Variants in NLRP3 observed in about 807,000 individuals in gnomAD.
The protein encoded by NLRP3 is NACHT, LRR and PYD domains-containing protein 3.
In NLRP3, 48 loss-of-function variants were observed where a neutral mutation model predicts 91.3. That is an observed-to-expected ratio of 0.53 (90% CI 0.42 to 0.67). The LOEUF (loss-of-function observed/expected upper bound fraction) is 0.67, where lower values mean the gene tolerates loss of function less well. Ranked by LOEUF, NLRP3 falls within the 30% of genes least tolerant of loss-of-function variation. NLRP3 has a pLI of 0.00. For missense variants in NLRP3, 982 were observed against 1,276.9 expected, an observed-to-expected ratio of 0.77 and a Z score of 3.52; for synonymous variants, 561 against 507.9, an observed-to-expected ratio of 1.10 and a Z score of -1.41.
intron 1 of NLRP3, among the ~76,000 whole-genome samples, chr1:247,416,673 A>T (rs949970401): frequency 1.1e-4 from 12 of 106,210 alleles, no homozygotes; most frequent in African/African-American, 4.4e-4. Context: ...CAGTCACCTC[A>T]GGATGGGCAG....
At chr1:247,435,207 G>A (rs181501625) in intron 6 of NLRP3, among the ~76,000 whole-genome samples, 1 of 151,958 alleles carries the variant, frequency 6.6e-6, no homozygotes, top group Non-Finnish European at 1.5e-5. Flanking sequence ...TCAAGATCCC[G>A]TCACTGTACT....
At position 247,425,015 on chromosome 1, in the gene NLRP3, T is replaced by C; in HGVS notation, c.1566T>C (p.Thr522=). ...AGTTCTACAGCTTCATCCACATGAC[T>C]TTCCAGGAGTTCTTTGCCGCCATGT... The part of the protein sequence containing the change: ...CEKFYSFIHM[T]FQEFFAAMYY... Residue 522 remains threonine (T), a synonymous_variant, in exon 4 of 10, where the codon ACT becomes ACC. Coordinates refer to ENST00000336119, the MANE Select transcript of NLRP3 (RefSeq NM_001243133.2). This position sits in a 1 kb window ranked among gnomAD's most constrained non-coding sequence, Gnocchi z 4.1. 1 of 1,614,170 alleles carries C rather than the reference T, an allele frequency of 6.2e-7. No individual in the cohort carries two copies. Among genetic ancestry groups the C allele is most frequent in the African/African-American group, 1.3e-5 (1 of 75,034 alleles).
intron 7 of NLRP3, among the ~76,000 whole-genome samples, chr1:247,442,161 T>C (rs999953720): frequency 6.6e-6 from 1 of 152,260 alleles, no homozygotes; most frequent in African/African-American, 2.4e-5. Flanking sequence ...TCTTACTTAC[T>C]GTGTCTTTTC....
At chr1:247,429,515 G>T (rs907807605) in intron 4 of NLRP3, 70 bp from the exon 5 acceptor site, 22 of 1,566,360 alleles carry the variant, frequency 1.4e-5, no homozygotes, top group Non-Finnish European at 1.9e-5. Flanking sequence ...CAGGCACCCC[G>T]GCCCCCAGCT....
rs755009444 is a variant in NLRP3, at chr1:247,418,891, C to T, written c.91C>T (p.Pro31Ser). 6.2e-7 allele frequency: 1 copy of T among 1,614,104 alleles called. No individual in the cohort carries two copies. Among genetic ancestry groups the T allele is most frequent in the Non-Finnish European group, 8.5e-7 (1 of 1,180,028 alleles). ...ATTTAAGATGCACTTAGAGGACTAT[C>T]CTCCCCAGAAGGGCTGCATCCCCCT... Reference protein sequence around the residue: ...KKFKMHLEDYPPQKGCIPLPR... With the variant: ...KKFKMHLEDYSPQKGCIPLPR... The change falls in exon 2 of 10, where the codon CCT becomes TCT. Residue 31 changes from proline (P) to serine (S), a missense_variant. Physicochemically the swap from Pro to Ser is moderately conservative, Grantham distance 74. Transcript: ENST00000336119.
intron 7 of NLRP3, among the ~76,000 whole-genome samples, chr1:247,443,431 G>A (rs1039984209): frequency 5.9e-5 from 9 of 152,038 alleles, no homozygotes; most frequent in African/African-American, 2.2e-4. Flanking sequence ...AATTGCTAAG[G>A]GCCCCGCCGT....
Position 247,426,077 on chromosome 1 carries a change from C to T in NLRP3, c.2150+478C>T, listed in dbSNP as rs571117908. On this transcript the variant is annotated intron_variant, in intron 4 of 9. Coordinates refer to ENST00000336119, the MANE Select transcript of NLRP3 (RefSeq NM_001243133.2). ...CCTTTAAGGAATGGTGGGACCTGGG[C>T]GCATAGAGAAGAAATTAAAGGAATT... 1.4e-4 allele frequency among the ~76,000 whole-genome samples: 22 copies of T among 151,948 alleles called. No homozygotes were observed. In the South Asian group the frequency reaches 2.5e-3, roughly 17 times the overall value.
intron 4 of NLRP3, among the ~76,000 whole-genome samples, chr1:247,426,556 C>T (rs1163093687): frequency 6.6e-6 from 1 of 152,214 alleles, no homozygotes; most frequent in Non-Finnish European, 1.5e-5. Context: ...CAATGAGTTT[C>T]AGCTTTCTTG....
In NLRP3 at chr1:247,419,097, T is replaced by C. The variant is rs1662261708; in HGVS notation, c.277+20T>C. ...AGTGGGGTGAGTGGAAGGAAGACTT[T>C]TAAAAAAAATTGTGGCCAAGTGCAC... On this transcript the variant is annotated intron_variant, in intron 2 of 9. Coordinates refer to ENST00000336119, the MANE Select transcript of NLRP3 (RefSeq NM_001243133.2). 6.2e-7 allele frequency: 1 copy of C among 1,601,144 alleles called. No individual in the cohort carries two copies. The highest frequency in any genetic ancestry group is 8.5e-7 in the Non-Finnish European group (1 of 1,178,502).
At chr1:247,432,042 G>A (rs917728783) in intron 5 of NLRP3, among the ~76,000 whole-genome samples, 3 of 152,130 alleles carry the variant, frequency 2.0e-5, no homozygotes, top group Admixed American at 6.5e-5. Context: ...GGGCCACCAC[G>A]CCCAGCTGAT....
Position 247,444,562 on chromosome 1 carries a change from T to C in NLRP3, c.2835-89T>C, listed in dbSNP as rs548484849. On this transcript the variant is annotated intron_variant, in intron 8 of 9. Transcript: ENST00000336119. ...CTCCTGTGCTTTTTTTTTTTCCACC[T>C]GAAACAAGACAGGCTAAGATGCTAA... The C allele has an allele frequency of 1.7e-4, 250 of 1,430,366 alleles. 1 individual carries two copies. The South Asian group carries it at 2.7e-3, about 15-fold the overall frequency. 88.6% of individuals were successfully genotyped at this position (1,430,366 alleles called of 1,614,324 possible). A position where few individuals can be genotyped will look rare whatever the true frequency, so the allele number is the denominator to read the frequency against.
At chr1:247,431,907 C>CT (rs1002461254) in intron 5 of NLRP3, among the ~76,000 whole-genome samples, 5 of 151,234 alleles carry the variant, frequency 3.3e-5, no homozygotes, top group Non-Finnish European at 7.4e-5. Flanking sequence ...GTAACTACCC[C>CT]TTTTTTTTTG....
intron 5 of NLRP3, among the ~76,000 whole-genome samples, chr1:247,430,604 G>C (rs1369946914): frequency 6.6e-6 from 1 of 151,940 alleles, no homozygotes; most frequent in East Asian, 1.9e-4. Context: ...GGCCAGCTGG[G>C]GAAGTTTTGT....
intron 4 of NLRP3, among the ~76,000 whole-genome samples, chr1:247,427,936 A>G (rs1192541047): frequency 1.6e-4 from 18 of 109,912 alleles, no homozygotes; most frequent in African/African-American, 6.9e-4. Flanking sequence ...CTCAGCAACC[A>G]TTTCTCTAGA....
At chr1:247,440,356 AGTAAACGGGGGACG>A (rs1327004042) in intron 7 of NLRP3, among the ~76,000 whole-genome samples, 9 of 152,186 alleles carry the variant, frequency 5.9e-5, no homozygotes, top group African/African-American at 2.2e-4. Context: ...CTGCTGAGTG[AGTAAACGGGGGACG>A]GTCCTAAATG....
chr1:247,444,289 G>A (rs1167915856), intron 8 of NLRP3, 147 bp downstream of exon 8: 2 of 869,950 alleles, frequency 2.3e-6, no homozygotes, highest in Non-Finnish European at 3.8e-6. Context: ...ATGGGACTGG[G>A]AGGAGTCCTT....
rs753554720 is a variant in NLRP3, at chr1:247,424,598, C to T, written c.1149C>T (p.Tyr383=). The part of the protein sequence containing the change: ...EAKRKEYFFK[Y]FSDEAQARAA... ...AAAGGAAAGAGTACTTCTTCAAGTA[C>T]TTCTCTGATGAGGCCCAAGCCAGGG... is the stretch of plus-strand genomic sequence containing the variant. Residue 383 remains tyrosine, a synonymous_variant, in exon 4 of 10, where the codon TAC becomes TAT. Coordinates refer to ENST00000336119, the MANE Select transcript of NLRP3 (RefSeq NM_001243133.2). This position sits in a 1 kb window ranked among gnomAD's most constrained non-coding sequence, Gnocchi z 8.1. 2 of 1,614,236 alleles carry T rather than the reference C, an allele frequency of 1.2e-6. No homozygotes were observed. Among genetic ancestry groups the T allele is most frequent in the Non-Finnish European group, 1.7e-6 (2 of 1,180,046 alleles).
chr1:247,433,225 G>A (rs7516771), intron 5 of NLRP3, among the ~76,000 whole-genome samples: 134,549 of 151,970 alleles, frequency 0.89, 59,688 homozygotes, highest in East Asian at 1. Context: ...GAAAAGAAAA[G>A]AAAAGAAAAA....
chr1:247,427,235 C>T (rs1462653972), intron 4 of NLRP3, among the ~76,000 whole-genome samples: 1 of 152,174 alleles, frequency 6.6e-6, no homozygotes, highest in African/African-American at 2.4e-5. Context: ...GCTCCACCCT[C>T]ATAACTTAAC....
Sources: gnomAD v4.1 joint callset for allele counts (sites outside exome capture counted in the v4.1 genomes callset) on GRCh38, gnomAD v4.1.1 for gene constraint, Gnocchi (gnomAD v3.1) non-coding constraint, MANE v1.5 for transcripts, NCBI Gene and HGNC (gene_info 2026-07-23, HGNC 2026-07-21) for gene names.